Variants in SULF1 observed in about 807,000 individuals in gnomAD.
The protein encoded by SULF1 is sulfatase 1.
Under a neutral mutation model 110.5 loss-of-function variants are expected in SULF1, and 46 were observed. The ratio of observed to expected loss-of-function variants is 0.42; its 90% CI spans 0.33 to 0.53. The LOEUF (loss-of-function observed/expected upper bound fraction) is 0.53, where lower values mean the gene tolerates loss of function less well. SULF1 is among the 20% of genes least tolerant of loss of function. The pLI is 0.12. For missense variants in SULF1, 941 were observed against 1,094.2 expected, an observed-to-expected ratio of 0.86 and a Z score of 1.98; for synonymous variants, 371 against 387.1, an observed-to-expected ratio of 0.96 and a Z score of 0.49.
chr8:69,494,086 T>A (rs1355262918), intron 1 of SULF1, among the ~76,000 whole-genome samples: 1 of 152,258 alleles, frequency 6.6e-6, no homozygotes, highest in Non-Finnish European at 1.5e-5. Context: ...CAGAGATTTA[T>A]TGTTTTAATA....
At chr8:69,630,209 C>T (rs10957500) in intron 19 of SULF1, among the ~76,000 whole-genome samples, 118,274 of 152,248 alleles carry the variant, frequency 0.78, 46,422 homozygotes, top group African/African-American at 0.89. Flanking sequence ...TTACATTGAA[C>T]TGCTAAGGAT....
chr8:69,624,188 T>C lies in SULF1; in HGVS notation c.1841T>C (p.Val614Ala). 1 of 1,581,956 alleles carries C rather than the reference T, an allele frequency of 6.3e-7. No homozygotes were observed. ...GTGGGCCCACCTACCACTGTCCGAG[T>C]GACACACAAGTAAGAAAGCTTTATT... ...NAVGPPTTVRVTHKCFILPND... is the reference protein window; with the variant it reads ...NAVGPPTTVRATHKCFILPND... Residue 614 changes from valine (V) to alanine (A), a missense_variant, in exon 15 of 23, where the codon GTG (valine) becomes GCG (alanine). By Grantham distance (64) the Val-to-Ala change is moderately conservative. Coordinates refer to ENST00000402687, the MANE Select transcript of SULF1 (RefSeq NM_001128205.2).
At chr8:69,600,531 AC>A in intron 8 of SULF1, 71 bp from the exon 9 acceptor site, 2 of 1,428,082 alleles carry the variant, frequency 1.4e-6, no homozygotes, top group Non-Finnish European at 1.9e-6. Flanking sequence ...TGATTATTTC[AC>A]AACCTCGAGA....
intron 2 of SULF1, among the ~76,000 whole-genome samples, chr8:69,499,401 A>G (rs574533757): frequency 2.0e-5 from 3 of 152,344 alleles, no homozygotes; most frequent in African/African-American, 2.4e-5. Context: ...AATTTGTTTT[A>G]ACTAAGTATT....
At chr8:69,521,332 A>C (rs541993262) in intron 3 of SULF1, among the ~76,000 whole-genome samples, 168 of 152,320 alleles carry the variant, frequency 1.1e-3, no homozygotes, top group African/African-American at 3.9e-3. Context: ...TTCTAATAGC[A>C]GGAGACAGAC....
At chr8:69,543,679 T>A (rs1380594192) in intron 3 of SULF1, among the ~76,000 whole-genome samples, 1 of 152,234 alleles carries the variant, frequency 6.6e-6, no homozygotes, top group Non-Finnish European at 1.5e-5. Context: ...TTTTTAATCA[T>A]CTGTGTTCAA....
intron 3 of SULF1, among the ~76,000 whole-genome samples, chr8:69,514,941 G>C (rs1029294037): frequency 6.6e-6 from 1 of 152,180 alleles, no homozygotes; most frequent in African/African-American, 2.4e-5. Context: ...GGGAAGTTCT[G>C]CCTCTGTGGT....
chr8:69,500,970 C>T (rs529828369), intron 2 of SULF1, among the ~76,000 whole-genome samples: 182 of 152,168 alleles, frequency 1.2e-3, no homozygotes, highest in African/African-American at 4.2e-3. Flanking sequence ...TAACCTGACT[C>T]GCCAAGGCCA....
At chr8:69,611,904 A>G (rs1808688681) in intron 13 of SULF1, among the ~76,000 whole-genome samples, 1 of 152,088 alleles carries the variant, frequency 6.6e-6, no homozygotes. Flanking sequence ...GGTTACATAG[A>G]TAAATTCTTT....
intron 13 of SULF1, among the ~76,000 whole-genome samples, chr8:69,616,372 G>A (rs939705206): frequency 4.7e-5 from 7 of 147,864 alleles, no homozygotes; most frequent in East Asian, 2.0e-4. Context: ...GGCATGCGCC[G>A]CCACCTGGCT....
rs1446280544 is a variant in SULF1, at chr8:69,611,409, C to T, written c.1377+6477C>T. Among the ~76,000 whole-genome samples the T allele has an allele frequency of 7.2e-5, 11 of 152,296 alleles. No individual in the cohort carries two copies. In the East Asian group the frequency reaches 1.9e-3, roughly 27 times the overall value. On this transcript the variant is annotated intron_variant, in intron 13 of 22. Transcript: ENST00000402687. ...GGTAACATTTCTCTCTCTTCTGCTT[C>T]TCCTTTTCTGTTTTCCGTCCCCCTC...
At chr8:69,567,865 G>A (rs1816011290) in intron 5 of SULF1, among the ~76,000 whole-genome samples, 1 of 152,154 alleles carries the variant, frequency 6.6e-6, no homozygotes, top group East Asian at 1.9e-4. Flanking sequence ...AAGTGGAATT[G>A]CTGGATCATA....
At chr8:69,525,970 G>T (rs1229085536) in intron 3 of SULF1, among the ~76,000 whole-genome samples, 1 of 152,172 alleles carries the variant, frequency 6.6e-6, no homozygotes, top group East Asian at 1.9e-4. Flanking sequence ...CTTTGGTGTA[G>T]TAACACCCTA....
chr8:69,626,035 C>T (rs1451733003), intron 15 of SULF1: 1 of 152,218 alleles, frequency 6.6e-6, no homozygotes, highest in Non-Finnish European at 1.5e-5. Flanking sequence ...TCGATTGGTG[C>T]ATTCGCAAAC....
At position 69,603,586 on chromosome 8, in the gene SULF1, C is replaced by T; in HGVS notation, c.1191-14C>T. Reference sequence around the variant, plus strand: ...TCCAGATGCCAAAAGTAAATATTATCATTTTGCTTTCAGGTTTCGAACAAA... The same window carrying T: ...TCCAGATGCCAAAAGTAAATATTATTATTTTGCTTTCAGGTTTCGAACAAA... On this transcript the variant is annotated splice_polypyrimidine_tract_variant and intron_variant, in intron 11 of 22. Coordinates refer to ENST00000402687, the MANE Select transcript of SULF1 (RefSeq NM_001128205.2). 6.2e-7 allele frequency: 1 copy of T among 1,605,606 alleles called. No individual in the cohort carries two copies. The highest frequency in any genetic ancestry group is 1.7e-4 in the Middle Eastern group (1 of 6,046).
intron 13 of SULF1, among the ~76,000 whole-genome samples, chr8:69,617,525 T>C (rs1193319517): frequency 6.7e-6 from 1 of 148,910 alleles, no homozygotes; most frequent in Non-Finnish European, 1.5e-5. Context: ...TGCCTTGGCC[T>C]CCTAAAGTAC....
intron 3 of SULF1, among the ~76,000 whole-genome samples, chr8:69,512,457 T>C (rs901591198): frequency 6.6e-6 from 1 of 152,186 alleles, no homozygotes; most frequent in African/African-American, 2.4e-5. Flanking sequence ...GAAAGAAATA[T>C]GGTATTGTAA....
chr8:69,581,812 T>G (rs1025107172), intron 6 of SULF1, among the ~76,000 whole-genome samples: 2 of 151,450 alleles, frequency 1.3e-5, no homozygotes, highest in Non-Finnish European at 2.9e-5. Context: ...TACAAACGAG[T>G]CTCAATGTCA....
chr8:69,560,538 C>G (rs1295844050), intron 3 of SULF1, among the ~76,000 whole-genome samples: 1 of 152,228 alleles, frequency 6.6e-6, no homozygotes, highest in Non-Finnish European at 1.5e-5. Context: ...GAATAGAACA[C>G]TGTTCTTCAA....
Sources: allele counts gnomAD v4.1 joint callset (sites outside exome capture counted in the v4.1 genomes callset), GRCh38; gene constraint gnomAD v4.1.1; transcripts MANE v1.5; gene names NCBI Gene and HGNC (gene_info 2026-07-23, HGNC 2026-07-21).